The following GLB1 variants were observed in gnomAD, a reference collection of about 807,000 sequenced individuals.
GLB1 encodes the protein beta-galactosidase.
GLB1 carries 56 observed loss-of-function variants against 74.0 expected under a neutral mutation model. The observed-to-expected ratio is 0.76, with a 90% CI of 0.61 to 0.94. The LOEUF (loss-of-function observed/expected upper bound fraction) is 0.94, where lower values mean the gene tolerates loss of function less well. Ranked by LOEUF, GLB1 falls within the 40% of genes least tolerant of loss-of-function variation. GLB1 has a pLI of 0.00. For synonymous variants in GLB1, 323 were observed against 323.6 expected (o/e 1.00, Z 0.02); for missense variants, 787 against 845.5 (o/e 0.93, Z 0.86).
chr3:32,972,838 AGCTGGAGTCCTTAAAACCC>A, the GLB1 span, among the ~76,000 whole-genome samples: 2 of 152,306 alleles, frequency 1.3e-5, no homozygotes, highest in South Asian at 4.2e-4. Context: ...AAAGAGAAAG[AGCTGGAGTCCTTAAAACCC>A]GCCTGTTTTT....
chr3:33,086,516 A>AT (rs1377764646), intron 1 of GLB1, among the ~76,000 whole-genome samples: 1 of 152,212 alleles, frequency 6.6e-6, no homozygotes, highest in African/African-American at 2.4e-5. Flanking sequence ...TGGAAAGATA[A>AT]TGCGGAATTT....
intron 1 of GLB1, among the ~76,000 whole-genome samples, chr3:33,087,336 G>A (rs1300434638): frequency 1.3e-5 from 2 of 152,144 alleles, no homozygotes; most frequent in Non-Finnish European, 2.9e-5. Context: ...TTGGGAGGGG[G>A]AAGCGGCCAG....
At chr3:33,028,666 A>ATT (rs869252582) in intron 10 of GLB1, among the ~76,000 whole-genome samples, 10 of 146,274 alleles carry the variant, frequency 6.8e-5, no homozygotes, top group East Asian at 6.1e-4. Context: ...TTACCCAAAA[A>ATT]TTTTTTTTTT....
chr3:33,008,042 T>C (rs554962232), intron 15 of GLB1, among the ~76,000 whole-genome samples: 7 of 152,284 alleles, frequency 4.6e-5, no homozygotes, highest in African/African-American at 1.7e-4. Flanking sequence ...GCTACGGAGA[T>C]AGTGTCTATA....
At chr3:33,033,682 G>A (rs1178794864) in intron 10 of GLB1, among the ~76,000 whole-genome samples, 6 of 151,682 alleles carry the variant, frequency 4.0e-5, no homozygotes, top group Non-Finnish European at 7.4e-5. Flanking sequence ...TCAGGAGGCT[G>A]AGGCAGGAGA....
rs574183152 is a variant in GLB1, at chr3:33,091,357, T to G, written c.75+5654A>C. The G allele has an allele frequency of 4.7e-5, 46 of 985,456 alleles. No individual in the cohort carries two copies. In the African/African-American group the frequency reaches 7.8e-4, roughly 17 times the overall value. 61.0% of individuals were successfully genotyped at this position (985,456 alleles called of 1,614,324 possible). ...AAGGAGGAAAGGAAGAAACCCCCTTTGCCTGCCAGAATGCACATGAGGGAA... is the reference window on the plus strand; with the variant it reads ...AAGGAGGAAAGGAAGAAACCCCCTTGGCCTGCCAGAATGCACATGAGGGAA... On this transcript the variant is annotated intron_variant, in intron 1 of 15. Coordinates refer to ENST00000307363, the MANE Select transcript of GLB1 (RefSeq NM_000404.4).
At chr3:32,967,985 A>T in the GLB1 span, among the ~76,000 whole-genome samples, 1 of 152,216 alleles carries the variant, frequency 6.6e-6, no homozygotes, top group Non-Finnish European at 1.5e-5. Context: ...GGGAATGACC[A>T]CTAATCCAAC....
chr3:33,060,982 GA>G (rs558114399), intron 5 of GLB1, among the ~76,000 whole-genome samples: 2 of 151,118 alleles, frequency 1.3e-5, no homozygotes, highest in Admixed American at 6.6e-5. Context: ...TACCAATTAG[GA>G]AAAAAAAAGG....
intron 7 of GLB1, 26 bp from the exon 8 acceptor site, chr3:33,052,030 T>C (rs1699015360): frequency 6.2e-7 from 1 of 1,612,208 alleles, no homozygotes; most frequent in African/African-American, 1.3e-5. Flanking sequence ...AACGTAGCCC[T>C]TAGGATAGAC....
intron 10 of GLB1, chr3:33,030,006 G>A (rs1339404179): frequency 6.6e-6 from 1 of 150,606 alleles, no homozygotes; most frequent in Non-Finnish European, 1.5e-5. Flanking sequence ...TACAACATAA[G>A]TGATAGAAAA....
At chr3:33,069,633 GAC>G (rs1451530232) in intron 2 of GLB1, among the ~76,000 whole-genome samples, 1 of 152,098 alleles carries the variant, frequency 6.6e-6, no homozygotes, top group East Asian at 1.9e-4. Flanking sequence ...ATACAGAGAA[GAC>G]AACTCTAAAG....
intron 12 of GLB1, 140 bp from the exon 13 acceptor site, chr3:33,018,701 AT>A: frequency 1.1e-6 from 1 of 903,426 alleles, no homozygotes; most frequent in South Asian, 1.6e-5. Flanking sequence ...AAAAAATTAA[AT>A]TTGAAAAAGG....
downstream of GLB1, among the ~76,000 whole-genome samples, chr3:32,992,128 C>T (rs530821655): frequency 2.0e-5 from 3 of 152,304 alleles, no homozygotes; most frequent in East Asian, 1.9e-4. Context: ...CCCTGGATGT[C>T]GAGTCTTTTC....
Position 33,069,110 on chromosome 3 carries a change from C to T in GLB1, c.246-140G>A, listed in dbSNP as rs75415662. On this transcript the variant is annotated intron_variant, in intron 2 of 15. Coordinates refer to ENST00000307363, the MANE Select transcript of GLB1 (RefSeq NM_000404.4). ...GCTTTGAAAGAAAAATTATCCAAGG[C>T]TGGGCACAGTGGCTCAGGCCTCTAA... The T allele has an allele frequency of 9.9e-3, 14,243 of 1,443,988 alleles. 373 individuals are homozygous for T. Among genetic ancestry groups the T allele is most frequent in the Admixed American group, 0.076 (3,840 of 50,542 alleles). 89.4% of individuals were successfully genotyped at this position (1,443,988 alleles called of 1,614,324 possible).
At chr3:33,068,688 A>G (rs926047748) in intron 3 of GLB1, 132 bp downstream of exon 3, 3 of 1,542,238 alleles carry the variant, frequency 1.9e-6, no homozygotes, top group East Asian at 2.3e-5. Context: ...TCAAGGTAAA[A>G]GACACCTGTG....
chr3:33,024,790 T>A (rs564227731), intron 10 of GLB1, among the ~76,000 whole-genome samples: 1 of 152,328 alleles, frequency 6.6e-6, no homozygotes, highest in South Asian at 2.1e-4. Flanking sequence ...TAACGAAGTA[T>A]TTAAAGGTAA....
intron 15 of GLB1, among the ~76,000 whole-genome samples, chr3:33,003,151 A>G (rs1412731912): frequency 2.0e-5 from 3 of 152,202 alleles, no homozygotes; most frequent in East Asian, 3.8e-4. Flanking sequence ...TGGTTTCTCT[A>G]TATTTTGGGA....
the GLB1 span, among the ~76,000 whole-genome samples, chr3:32,986,594 CTTTT>C: frequency 2.1e-5 from 3 of 142,396 alleles, no homozygotes; most frequent in Non-Finnish European, 1.5e-5. Context: ...GACTGTTTCT[CTTTT>C]TTTTTTTTTT....
intron 1 of GLB1, among the ~76,000 whole-genome samples, chr3:33,080,042 G>A (rs988178184): frequency 4.6e-5 from 7 of 151,524 alleles, no homozygotes; most frequent in South Asian, 2.1e-4. Flanking sequence ...CCTCACGATC[G>A]CAAAGTTCTG....
Sources: allele counts gnomAD v4.1 joint callset (sites outside exome capture counted in the v4.1 genomes callset), GRCh38; gene constraint gnomAD v4.1.1; transcripts MANE v1.5; gene names NCBI Gene and HGNC (gene_info 2026-07-23, HGNC 2026-07-21).